The following FOXP1 variants were observed in gnomAD, a reference collection of about 807,000 sequenced individuals.
FOXP1 encodes the protein forkhead box P1.
Under a neutral mutation model 98.2 loss-of-function variants are expected in FOXP1, and 15 were observed. The observed-to-expected ratio is 0.15, with a 90% CI of 0.10 to 0.24. The LOEUF (loss-of-function observed/expected upper bound fraction) is 0.24. Among genes scored for constraint, FOXP1 ranks in the 10% least tolerant of loss-of-function variants. The pLI, the probability that FOXP1 is intolerant of heterozygous loss-of-function variation, is 1.00. For synonymous variants in FOXP1, 371 were observed against 314.5 expected (o/e 1.18, Z -1.90); for missense variants, 633 against 848.5 (o/e 0.75, Z 3.15).
chr3:71,170,394 G>A (rs929991811), intron 6 of FOXP1, among the ~76,000 whole-genome samples: 7 of 152,106 alleles, frequency 4.6e-5, no homozygotes, highest in Non-Finnish European at 8.8e-5. Flanking sequence ...TGGTCATGTC[G>A]ACAACAGCTT....
At chr3:71,045,003 T>C (rs754096069) in intron 10 of FOXP1, among the ~76,000 whole-genome samples, 7 of 152,188 alleles carry the variant, frequency 4.6e-5, no homozygotes, top group Non-Finnish European at 5.9e-5. Flanking sequence ...CTGAATTCTC[T>C]AGCCACTTGA....
At chr3:71,109,102 C>G (rs1362881475) in intron 7 of FOXP1, among the ~76,000 whole-genome samples, 1 of 152,218 alleles carries the variant, frequency 6.6e-6, no homozygotes, top group Non-Finnish European at 1.5e-5. Flanking sequence ...ACTTCAGAAG[C>G]AATATCTATA....
intron 17 of FOXP1, among the ~76,000 whole-genome samples, chr3:70,975,384 T>C (rs998593740): frequency 1.3e-5 from 2 of 152,232 alleles, no homozygotes; most frequent in African/African-American, 2.4e-5. Flanking sequence ...CCATGTGTCT[T>C]AATGGAAATG....
chr3:70,979,317 A>G (rs866515206), intron 14 of FOXP1, among the ~76,000 whole-genome samples: 1 of 142,508 alleles, frequency 7.0e-6, no homozygotes, highest in South Asian at 2.3e-4. Context: ...AAAAAAAAAA[A>G]AAAGAAAAAA....
chr3:71,083,212 C>T (rs2054642079), intron 7 of FOXP1, among the ~76,000 whole-genome samples: 1 of 152,074 alleles, frequency 6.6e-6, no homozygotes, highest in African/African-American at 2.4e-5. Flanking sequence ...CAGTGAGTTC[C>T]CCTGAGATCT....
At chr3:71,085,583 T>C (rs73119683) in intron 7 of FOXP1, among the ~76,000 whole-genome samples, 28,216 of 151,832 alleles carry the variant, frequency 0.19, 3,550 homozygotes, top group East Asian at 0.49. Context: ...TTAAGGAATA[T>C]TATATTAGAA....
chr3:71,068,010 A>T (rs541526387), intron 7 of FOXP1, among the ~76,000 whole-genome samples: 1 of 151,348 alleles, frequency 6.6e-6, no homozygotes, highest in Admixed American at 6.6e-5. Flanking sequence ...AGCCATAATA[A>T]TATAAAATGA....
intron 5 of FOXP1, among the ~76,000 whole-genome samples, chr3:71,227,673 C>T (rs572495302): frequency 2.0e-5 from 3 of 151,340 alleles, no homozygotes; most frequent in Admixed American, 2.0e-4. Context: ...CAGCCTTATA[C>T]CATAGATTAA....
At chr3:71,378,197 G>A (rs553687367) in intron 3 of FOXP1, among the ~76,000 whole-genome samples, 10 of 16,992 alleles carry the variant, frequency 5.9e-4, no homozygotes, top group Admixed American at 1.3e-3. Context: ...TTTCTGGGTC[G>A]CTAGCTTCTC....
At chr3:71,536,913 T>C (rs2044343634) in intron 2 of FOXP1, among the ~76,000 whole-genome samples, 1 of 152,106 alleles carries the variant, frequency 6.6e-6, no homozygotes, top group African/African-American at 2.4e-5. Flanking sequence ...ATAGCAGCGA[T>C]GACGGCCACG....
At chr3:71,095,732 C>A (rs1194060611) in intron 7 of FOXP1, among the ~76,000 whole-genome samples, 3 of 152,156 alleles carry the variant, frequency 2.0e-5, no homozygotes, top group African/African-American at 7.2e-5. Context: ...ATCCAAATCA[C>A]TTTGGTCAGA....
At chr3:71,535,745 G>C (rs1244628257) in intron 2 of FOXP1, among the ~76,000 whole-genome samples, 1 of 152,092 alleles carries the variant, frequency 6.6e-6, no homozygotes, top group Non-Finnish European at 1.5e-5. Flanking sequence ...AAGAAACAGG[G>C]ATGAGAAATT....
intron 5 of FOXP1, among the ~76,000 whole-genome samples, chr3:71,270,969 G>A (rs75174029): frequency 0.098 from 14,976 of 152,298 alleles, 827 homozygotes; most frequent in Non-Finnish European, 0.13. Flanking sequence ...GGTGGCTCAC[G>A]CCTGTAATTC....
intron 11 of FOXP1, among the ~76,000 whole-genome samples, chr3:71,028,536 G>A (rs1376645740): frequency 6.6e-6 from 1 of 152,174 alleles, no homozygotes; most frequent in Non-Finnish European, 1.5e-5. Context: ...ATGGTTTGGA[G>A]CAGCTACAGG....
Position 70,991,306 on chromosome 3 carries a change from C to A in FOXP1, c.1063-3229G>T, listed in dbSNP as rs556778639. On this transcript the variant is annotated intron_variant, in intron 13 of 20. Coordinates refer to ENST00000649528, the MANE Select transcript of FOXP1 (RefSeq NM_001349338.3). ...TCATCTTGGGCAAATATTTTTCTAC[C>A]CTTTGGCCGAAATAGGTCATCTCCT... Among the ~76,000 whole-genome samples, 3 of 152,108 alleles carry A rather than the reference C, an allele frequency of 2.0e-5. No homozygotes were observed. The East Asian group carries it at 5.8e-4, about 29-fold the overall frequency.
chr3:71,492,394 G>A (rs1222686049), intron 3 of FOXP1, among the ~76,000 whole-genome samples: 2 of 151,680 alleles, frequency 1.3e-5, no homozygotes, highest in Non-Finnish European at 2.9e-5. Flanking sequence ...GGAGGTTGCA[G>A]TGAGCCGAGA....
chr3:71,156,280 G>C (rs1050327923), intron 6 of FOXP1, among the ~76,000 whole-genome samples: 3 of 152,104 alleles, frequency 2.0e-5, no homozygotes, highest in African/African-American at 7.2e-5. Flanking sequence ...CCTCATTCCT[G>C]CTCTCTTACC....
intron 5 of FOXP1, among the ~76,000 whole-genome samples, chr3:71,202,245 G>C (rs559331191): frequency 6.6e-6 from 1 of 152,318 alleles, no homozygotes; most frequent in South Asian, 2.1e-4. Context: ...GACCAAAATT[G>C]CAGAAAGGAT....
At chr3:71,428,763 G>T (rs1386641430) in intron 3 of FOXP1, among the ~76,000 whole-genome samples, 4 of 152,176 alleles carry the variant, frequency 2.6e-5, no homozygotes, top group Admixed American at 6.5e-5. Flanking sequence ...ATGAGATGTG[G>T]CCTGGACACA....
Sources: gnomAD v4.1 joint callset for allele counts (sites outside exome capture counted in the v4.1 genomes callset) on GRCh38, gnomAD v4.1.1 for gene constraint, MANE v1.5 for transcripts, NCBI Gene and HGNC (gene_info 2026-07-23, HGNC 2026-07-21) for gene names.